VCAN: variants seen among roughly 807,000 people sequenced by gnomAD.
The protein encoded by VCAN is versican core protein.
A neutral mutation model predicts 245.5 loss-of-function variants in VCAN; 44 were observed. The observed-to-expected ratio is 0.18, with a 90% CI of 0.14 to 0.23. The LOEUF (loss-of-function observed/expected upper bound fraction) is 0.23. Among genes scored for constraint, VCAN ranks in the 10% least tolerant of loss-of-function variants. The pLI is 1.00. For synonymous variants in VCAN, 1,413 were observed against 1,437.0 expected (o/e 0.98, Z 0.38); for missense variants, 3,793 against 4,057.9 (o/e 0.93, Z 1.77).
chr5:83,542,765 C>T (rs2112452347), intron 8 of VCAN, among the ~76,000 whole-genome samples: 1 of 152,292 alleles, frequency 6.6e-6, no homozygotes, highest in African/African-American at 2.4e-5. Flanking sequence ...GTATCAATAT[C>T]AGCTCATACT....
At chr5:83,514,600 T>C (rs1474983018) in intron 6 of VCAN, among the ~76,000 whole-genome samples, 1 of 151,654 alleles carries the variant, frequency 6.6e-6, no homozygotes, top group Non-Finnish European at 1.5e-5. Context: ...AGCTGGGTTA[T>C]AGGCATGCGC....
At chr5:83,533,339 T>C (rs1208158971) in intron 7 of VCAN, among the ~76,000 whole-genome samples, 1 of 152,088 alleles carries the variant, frequency 6.6e-6, no homozygotes, top group Non-Finnish European at 1.5e-5. Context: ...ATTCCAAAAG[T>C]TTCCCATTAA....
At position 83,520,736 on chromosome 5, in the gene VCAN, A is replaced by G. The variant is rs758492729; in HGVS notation, c.2430A>G (p.Thr810=). The change falls in exon 7 of 15, where the codon ACA becomes ACG. Residue 810 remains threonine (T), a synonymous_variant. Transcript: ENST00000265077. ...VSKWSWDEDN[T]TSKPLESTEP... ...AATGGTCATGGGATGAAGATAATAC[A>G]ACATCCAAGCCTTTAGAGTCTACAG... 2.5e-6 allele frequency: 4 copies of G among 1,614,178 alleles called. No homozygotes were observed. Among genetic ancestry groups the G allele is most frequent in the Non-Finnish European group, 3.4e-6 (4 of 1,180,014 alleles).
intron 5 of VCAN, 143 bp downstream of exon 5, chr5:83,494,074 G>A: frequency 7.1e-7 from 1 of 1,415,032 alleles, no homozygotes; most frequent in Non-Finnish European, 9.8e-7. Flanking sequence ...TGATTTTGTG[G>A]TAAAATAAGC....
intron 1 of VCAN, among the ~76,000 whole-genome samples, chr5:83,475,533 C>A (rs188332578): frequency 6.6e-6 from 1 of 152,182 alleles, no homozygotes; most frequent in Admixed American, 6.5e-5. Context: ...TAGGAAGGTA[C>A]CAATGGAAGC....
At chr5:83,494,825 G>A (rs562838889) in intron 5 of VCAN, among the ~76,000 whole-genome samples, 48 of 152,052 alleles carry the variant, frequency 3.2e-4, no homozygotes, top group Non-Finnish European at 5.7e-4. Context: ...TGTGGCATAT[G>A]CCTGTAGTCA....
At chr5:83,533,745 T>A (rs1243385529) in intron 7 of VCAN, among the ~76,000 whole-genome samples, 28 of 152,086 alleles carry the variant, frequency 1.8e-4, no homozygotes, top group Admixed American at 1.8e-3. Context: ...TACATCTGAG[T>A]TGGTTTTTGG....
chr5:83,471,816 G>A lies in VCAN; in HGVS notation c.-214G>A, dbSNP rs1038779314. On this transcript the variant is annotated 5_prime_UTR_variant, in exon 1 of 15. Transcript: ENST00000265077. ...CTCCAGGCGTGCGGACGCAACAGCC[G>A]AGAACATTAGGTGTTGTGGACAGGA... The A allele has an allele frequency of 1.0e-5, 4 of 398,530 alleles. No individual in the cohort carries two copies. The highest frequency in any genetic ancestry group is 1.8e-5 in the Non-Finnish European group (4 of 226,142). 24.7% of individuals were successfully genotyped at this position (398,530 alleles called of 1,614,324 possible).
In VCAN at chr5:83,510,738, T is replaced by C. The variant is rs1053312999; in HGVS notation, c.749-1365T>C. 5.2e-4 allele frequency among the ~76,000 whole-genome samples: 79 copies of C among 152,256 alleles called. 1 individual carries two copies. Among genetic ancestry groups the C allele is most frequent in the Non-Finnish European group, 8.8e-5 (6 of 68,042 alleles). ...ACAAACTCTGAAGTTTCCAGAATCT[T>C]TCATTGTAACATGTTAAATGATAAT... On this transcript the variant is annotated intron_variant, in intron 5 of 14. Coordinates refer to ENST00000265077, the MANE Select transcript of VCAN (RefSeq NM_004385.5).
intron 6 of VCAN, among the ~76,000 whole-genome samples, chr5:83,516,023 GA>G (rs2112399094): frequency 6.6e-6 from 1 of 152,288 alleles, no homozygotes; most frequent in Admixed American, 6.5e-5. Flanking sequence ...ATGAGGTCAG[GA>G]GATCGAGACC....
intron 2 of VCAN, among the ~76,000 whole-genome samples, chr5:83,483,901 C>T (rs1417579942): frequency 6.6e-6 from 1 of 152,136 alleles, no homozygotes; most frequent in Non-Finnish European, 1.5e-5. Context: ...TTCTCAAAAA[C>T]TTTCCTATGC....
At position 83,537,927 on chromosome 5, in the gene VCAN, T is replaced by A. The variant is rs752166348; in HGVS notation, c.4924T>A (p.Ser1642Thr). Residue 1642 changes from serine to threonine, a missense_variant, in exon 8 of 15, where the codon TCT becomes ACT. This residue lies in a region of VCAN where 3,182 missense variants were observed against 3,250.3 expected (regional missense o/e 0.98). Transcript: ENST00000265077. ...TTCTTCGATTCCAATTACAGAAGGC[T>A]CTGGAGAAGCAGAAGAAGATGAAGA... Reference protein sequence around the residue: ...GSSSIPITEGSGEAEEDEDTM... With the variant: ...GSSSIPITEGTGEAEEDEDTM... 6.2e-7 allele frequency: 1 copy of A among 1,613,884 alleles called. No homozygotes were observed. Among genetic ancestry groups the A allele is most frequent in the Admixed American group, 1.7e-5 (1 of 59,954 alleles).
At chr5:83,528,989 TAC>T (rs58804437) in intron 7 of VCAN, among the ~76,000 whole-genome samples, 1,613 of 141,450 alleles carry the variant, frequency 0.011, 16 homozygotes, top group African/African-American at 0.021. Context: ...GAAACAAAGA[TAC>T]ACACACACAC....
intron 9 of VCAN, 71 bp downstream of exon 9, chr5:83,545,721 C>T (rs1407243296): frequency 6.7e-6 from 8 of 1,187,044 alleles, no homozygotes; most frequent in East Asian, 4.7e-5. Flanking sequence ...TTTATGTTGT[C>T]GAATCAATCA....
chr5:83,547,436 G>A (rs1747271002), intron 9 of VCAN, among the ~76,000 whole-genome samples: 1 of 152,134 alleles, frequency 6.6e-6, no homozygotes, highest in Non-Finnish European at 1.5e-5. Context: ...TGGGATCCAT[G>A]GAATGTTTGG....
chr5:83,573,246 C>T (rs1452971100), intron 13 of VCAN, among the ~76,000 whole-genome samples: 1 of 151,976 alleles, frequency 6.6e-6, no homozygotes, highest in Admixed American at 6.6e-5. Flanking sequence ...AAATAGTTGT[C>T]AACAGTTAAA....
intron 5 of VCAN, among the ~76,000 whole-genome samples, chr5:83,496,751 G>T (rs1745171931): frequency 6.6e-6 from 1 of 152,158 alleles, no homozygotes; most frequent in African/African-American, 2.4e-5. Flanking sequence ...GGCTGATGAG[G>T]TAAGAGGAAG....
chr5:83,536,570 A>G (rs1258853470), intron 7 of VCAN: 1 of 154,184 alleles, frequency 6.5e-6, no homozygotes, highest in Admixed American at 6.4e-5. Flanking sequence ...GATCATATAT[A>G]GAAATAGAGC....
At chr5:83,570,908 CTT>C (rs1228141482) in intron 12 of VCAN, among the ~76,000 whole-genome samples, 1 of 149,936 alleles carries the variant, frequency 6.7e-6, no homozygotes, top group Non-Finnish European at 1.5e-5. Flanking sequence ...ACTTTATTCT[CTT>C]TCTCTTTGCC....
Sources: gnomAD v4.1 joint callset for allele counts (sites outside exome capture counted in the v4.1 genomes callset) on GRCh38, gnomAD v4.1.1 for gene constraint, gnomAD v4.1.1 regional missense constraint, MANE v1.5 for transcripts, NCBI Gene and HGNC (gene_info 2026-07-23, HGNC 2026-07-21) for gene names.